The following CCDC30 variants were observed in gnomAD, a reference collection of about 807,000 sequenced individuals.
CCDC30 encodes coiled-coil domain-containing protein 30.
A neutral mutation model predicts 100.2 loss-of-function variants in CCDC30; 70 were observed. The ratio of observed to expected loss-of-function variants is 0.70; its 90% CI spans 0.58 to 0.85. The LOEUF is 0.85. CCDC30 is among the 40% of genes least tolerant of loss of function. The pLI is 0.00. For synonymous variants in CCDC30, 233 were observed against 269.5 expected (o/e 0.86, Z 1.33); for missense variants, 652 against 771.2 (o/e 0.85, Z 1.83).
At chr1:42,582,997 A>G (rs1308464480) in intron 9 of CCDC30, among the ~76,000 whole-genome samples, 2 of 152,220 alleles carry the variant, frequency 1.3e-5, no homozygotes, top group African/African-American at 2.4e-5. Context: ...AGCTGAATCA[A>G]TTGAGATGTC....
chr1:42,494,299 CA>C (rs1269838822), intron 4 of CCDC30, among the ~76,000 whole-genome samples: 2 of 152,120 alleles, frequency 1.3e-5, no homozygotes, highest in African/African-American at 2.4e-5. Context: ...ACTGGCTAGC[CA>C]TGTGTAGAAA....
At position 42,539,287 on chromosome 1, in the gene CCDC30, G is replaced by A. The variant is rs148463763; in HGVS notation, c.457-27009G>A. ...AATAGCATGTGACCTGTTACAAAGA[G>A]AGAATTCTGAATTAGAAACAAAGGT... On this transcript the variant is annotated intron_variant, in intron 6 of 16. Coordinates refer to ENST00000668663, the Ensembl canonical transcript of CCDC30. 9.3e-5 allele frequency: 148 copies of A among 1,595,074 alleles called. No individual in the cohort carries two copies. In the African/African-American group the frequency reaches 1.8e-3, roughly 19 times the overall value.
intron 6 of CCDC30, chr1:42,545,528 C>G: frequency 6.2e-7 from 1 of 1,604,670 alleles, no homozygotes; most frequent in Non-Finnish European, 8.5e-7. Flanking sequence ...TCTAATGAAC[C>G]AATTTTGGAA....
At chr1:42,529,072 C>A (rs1378247950) in intron 6 of CCDC30, among the ~76,000 whole-genome samples, 1 of 152,130 alleles carries the variant, frequency 6.6e-6, no homozygotes, top group Middle Eastern at 3.2e-3. Flanking sequence ...TATATTGACT[C>A]TAATAATCCT....
rs371000937 is a variant in CCDC30, at chr1:42,536,542, G to C, written c.457-29754G>C. The C allele has an allele frequency of 8.1e-6, 13 of 1,613,618 alleles. No homozygotes were observed. In the East Asian group the frequency reaches 1.6e-4, roughly 19 times the overall value. On this transcript the variant is annotated intron_variant, in intron 6 of 16. Transcript: ENST00000668663. ...TGAGTGGTCAAAAGAGAGAGAGAGA[G>C]AGAAGCAGTTGGCATCTGGTCTTGA...
chr1:42,586,000 G>A (rs973533159), intron 9 of CCDC30, among the ~76,000 whole-genome samples: 6 of 152,170 alleles, frequency 3.9e-5, no homozygotes, highest in Admixed American at 2.0e-4. Flanking sequence ...CTTTGCAACT[G>A]CAATGAAGTA....
At chr1:42,607,555 T>C (rs1484635270) in intron 10 of CCDC30, among the ~76,000 whole-genome samples, 5 of 89,796 alleles carry the variant, frequency 5.6e-5, no homozygotes, top group Non-Finnish European at 1.2e-4. Context: ...CTTGTCTCTA[T>C]AAAAAAAAAA....
intron 6 of CCDC30, among the ~76,000 whole-genome samples, chr1:42,502,429 G>T (rs780700098): frequency 6.6e-6 from 1 of 152,224 alleles, no homozygotes; most frequent in Non-Finnish European, 1.5e-5. Context: ...CTCTTCCCGG[G>T]TGAGAAGATG....
intron 11 of CCDC30, among the ~76,000 whole-genome samples, chr1:42,633,248 T>C (rs1025914221): frequency 2.0e-5 from 3 of 152,248 alleles, no homozygotes; most frequent in African/African-American, 7.2e-5. Context: ...GGGCAGGTAA[T>C]GACTGAAGTT....
intron 15 of CCDC30, among the ~76,000 whole-genome samples, chr1:42,650,343 T>TA (rs1414711287): frequency 6.6e-6 from 1 of 151,516 alleles, no homozygotes; most frequent in Non-Finnish European, 1.5e-5. Context: ...TACAAAAAAG[T>TA]AAAAAATTAG....
chr1:42,576,274 G>A (rs570879315), intron 7 of CCDC30, among the ~76,000 whole-genome samples: 6 of 152,314 alleles, frequency 3.9e-5, no homozygotes, highest in African/African-American at 1.2e-4. Context: ...CAAAAAAAAT[G>A]ACACAAATGG....
chr1:42,456,596 C>T, the CCDC30 span: 17 of 1,509,218 alleles, frequency 1.1e-5, no homozygotes, highest in Non-Finnish European at 1.3e-5. Context: ...AGCCGAGTTC[C>T]CCCAGCCTCC....
rs1570121024 is a variant in CCDC30 at position 42,576,516 on chromosome 1, A to C, written c.637-504A>C. Among the ~76,000 whole-genome samples, 3 of 152,368 alleles carry C rather than the reference A, an allele frequency of 2.0e-5. 1 individual carries two copies. In the Middle Eastern group the frequency reaches 0.01, roughly 518 times the overall value. On this transcript the variant is annotated intron_variant, in intron 7 of 16. Transcript: ENST00000668663. ...CATAAAATGGCATTTCAAATTATAG[A>C]AATGGATAGCAAATCATCTACTCTC...
intron 6 of CCDC30, among the ~76,000 whole-genome samples, chr1:42,545,161 TTAAAAAAAAA>T (rs1266560793): frequency 3.1e-5 from 2 of 64,934 alleles, no homozygotes; most frequent in African/African-American, 1.2e-4. Flanking sequence ...AAAAATACCT[TTAAAAAAAAA>T]AAAAAAAAAA....
At chr1:42,551,560 T>G (rs1645252429) in intron 6 of CCDC30, among the ~76,000 whole-genome samples, 1 of 152,162 alleles carries the variant, frequency 6.6e-6, no homozygotes, top group Non-Finnish European at 1.5e-5. Flanking sequence ...CTCCATATAA[T>G]TTTTGGCTGA....
chr1:42,543,905 A>G (rs1404154619), intron 6 of CCDC30, among the ~76,000 whole-genome samples: 1 of 152,226 alleles, frequency 6.6e-6, no homozygotes, highest in Non-Finnish European at 1.5e-5. Context: ...TGATCTTTAT[A>G]ATTAAGTCCA....
intron 4 of CCDC30, 95 bp from the exon 5 acceptor site, chr1:42,497,003 G>T: frequency 2.0e-6 from 1 of 512,520 alleles, no homozygotes; most frequent in African/African-American, 2.0e-5. Flanking sequence ...GACAAGAAGG[G>T]CAGGCTAAAT....
At chr1:42,604,064 T>A (rs1646457617) in intron 10 of CCDC30, among the ~76,000 whole-genome samples, 1 of 151,936 alleles carries the variant, frequency 6.6e-6, no homozygotes, top group South Asian at 2.1e-4. Context: ...TCCAATTTTT[T>A]TTTAATTAGC....
chr1:42,534,183 A>G (rs1246793627), intron 6 of CCDC30, among the ~76,000 whole-genome samples: 3 of 151,958 alleles, frequency 2.0e-5, no homozygotes, highest in Non-Finnish European at 1.5e-5. Context: ...GCATTGAAAT[A>G]CATGACATTC....
Sources: gnomAD v4.1 joint callset for allele counts (sites outside exome capture counted in the v4.1 genomes callset) on GRCh38, gnomAD v4.1.1 for gene constraint, MANE v1.5 for transcripts, NCBI Gene and HGNC (gene_info 2026-07-23, HGNC 2026-07-21) for gene names.